Variants in MAGI1 observed in about 807,000 individuals in gnomAD.
MAGI1 encodes the protein membrane-associated guanylate kinase, WW and PDZ domain-containing protein 1.
Under a neutral mutation model 139.9 loss-of-function variants are expected in MAGI1, and 58 were observed. The ratio of observed to expected loss-of-function variants is 0.41; its 90% CI spans 0.34 to 0.52. MAGI1 has a LOEUF of 0.52. Ranked by LOEUF, MAGI1 falls within the 20% of genes least tolerant of loss-of-function variation. The probability of loss-of-function intolerance (pLI) is 0.12; values close to 1 mark genes in which losing one functional copy is unlikely to be tolerated. For synonymous variants in MAGI1, 812 were observed against 737.9 expected (o/e 1.10, Z -1.63); for missense variants, 1,874 against 1,901.6 (o/e 0.99, Z 0.27).
intron 1 of MAGI1, among the ~76,000 whole-genome samples, chr3:65,854,731 G>T (rs558848755): frequency 6.6e-6 from 1 of 152,370 alleles, no homozygotes; most frequent in Non-Finnish European, 1.5e-5. Flanking sequence ...TAAATGAGCT[G>T]CTGTGGCCTG....
chr3:65,418,980 C>T (rs1946435599), intron 12 of MAGI1, among the ~76,000 whole-genome samples: 1 of 152,198 alleles, frequency 6.6e-6, no homozygotes, highest in African/African-American at 2.4e-5. Context: ...TGATACAACG[C>T]TTTCCTGTTC....
At chr3:65,766,682 G>C (rs1327439852) in intron 1 of MAGI1, among the ~76,000 whole-genome samples, 1 of 151,892 alleles carries the variant, frequency 6.6e-6, no homozygotes, top group Admixed American at 6.6e-5. Flanking sequence ...TTGAGGTCAT[G>C]AGTTTGAGAC....
chr3:65,472,098 T>C (rs1950589375), intron 4 of MAGI1, among the ~76,000 whole-genome samples: 1 of 152,118 alleles, frequency 6.6e-6, no homozygotes, highest in African/African-American at 2.4e-5. Context: ...GTTTTGCAAC[T>C]TGCACCCAAG....
chr3:65,842,964 T>G (rs1331836547), intron 1 of MAGI1, among the ~76,000 whole-genome samples: 1 of 152,130 alleles, frequency 6.6e-6, no homozygotes, highest in East Asian at 1.9e-4. Flanking sequence ...AACTGAAAAA[T>G]GTCTCCCCTA....
intron 1 of MAGI1, among the ~76,000 whole-genome samples, chr3:65,741,003 T>C (rs2035212892): frequency 6.6e-6 from 1 of 152,174 alleles, no homozygotes. Context: ...CAATGACAGC[T>C]TTGGGTGAAT....
chr3:65,690,755 A>G (rs548256543), intron 1 of MAGI1, among the ~76,000 whole-genome samples: 15 of 151,624 alleles, frequency 9.9e-5, no homozygotes, highest in South Asian at 8.4e-4. Context: ...CAGCCTCCCA[A>G]TGTGCTGGGA....
chr3:65,605,060 A>T (rs1370220961), intron 2 of MAGI1, among the ~76,000 whole-genome samples: 1 of 152,262 alleles, frequency 6.6e-6, no homozygotes, highest in Admixed American at 6.5e-5. Context: ...TAATGAGAGA[A>T]GAACCATTCT....
chr3:65,547,168 T>A (rs1422245723), intron 2 of MAGI1, among the ~76,000 whole-genome samples: 1 of 152,326 alleles, frequency 6.6e-6, no homozygotes, highest in East Asian at 1.9e-4. Context: ...TGTGCCAGGC[T>A]CTGTGCTGTT....
intron 1 of MAGI1, among the ~76,000 whole-genome samples, chr3:65,917,700 A>C (rs550041608): frequency 6.6e-6 from 1 of 152,336 alleles, no homozygotes; most frequent in African/African-American, 2.4e-5. Flanking sequence ...ACGGCTACAT[A>C]CTATATGATT....
Position 65,516,877 on chromosome 3 carries a change from G to A in MAGI1, c.431-23246C>T, listed in dbSNP as rs975059445. Among the ~76,000 whole-genome samples, 72 of 131,702 alleles carry A rather than the reference G, an allele frequency of 5.5e-4. 2 individuals carry two copies. Among genetic ancestry groups the A allele is most frequent in the Middle Eastern group, 3.8e-3 (1 of 264 alleles). The allele number at this position is 131,702 out of a possible 152,430, so 86.4% of individuals were successfully genotyped here. ...CGAGTAGCTGGGACTACAGGCGCCC[G>A]CCACTACGCCCGGCTAATTTTTTTG... is the stretch of plus-strand genomic sequence containing the variant. On this transcript the variant is annotated intron_variant, in intron 2 of 22. Coordinates refer to ENST00000402939, the MANE Select transcript of MAGI1 (RefSeq NM_001033057.2).
At chr3:65,894,458 T>C (rs188346997) in intron 1 of MAGI1, among the ~76,000 whole-genome samples, 98 of 152,244 alleles carry the variant, frequency 6.4e-4, no homozygotes, top group African/African-American at 2.2e-3. Flanking sequence ...CCACCAAAAA[T>C]ATGCTAAAAG....
At chr3:65,922,553 C>G (rs2062260349) in intron 1 of MAGI1, among the ~76,000 whole-genome samples, 1 of 152,146 alleles carries the variant, frequency 6.6e-6, no homozygotes, top group African/African-American at 2.4e-5. Flanking sequence ...ACAAGGAAGG[C>G]AAAGGATCTA....
chr3:65,846,992 A>AAAAAAAAAC (rs1422495338), intron 1 of MAGI1, among the ~76,000 whole-genome samples: 1 of 144,690 alleles, frequency 6.9e-6, no homozygotes, highest in African/African-American at 2.5e-5. Flanking sequence ...AAAAAAAAAA[A>AAAAAAAAAC]AAAACCCTAA....
chr3:65,417,641 T>C (rs1408790963), intron 12 of MAGI1, among the ~76,000 whole-genome samples: 1 of 152,042 alleles, frequency 6.6e-6, no homozygotes, highest in Non-Finnish European at 1.5e-5. Context: ...TGCACATTCA[T>C]GTATGATATC....
chr3:65,579,756 A>G (rs1260839394), intron 2 of MAGI1, among the ~76,000 whole-genome samples: 1 of 151,850 alleles, frequency 6.6e-6, no homozygotes, highest in East Asian at 1.9e-4. Context: ...CTGAGGCAGG[A>G]GAATCACCTG....
At chr3:65,980,270 A>G (rs2065498601) in intron 1 of MAGI1, among the ~76,000 whole-genome samples, 1 of 152,230 alleles carries the variant, frequency 6.6e-6, no homozygotes, top group Non-Finnish European at 1.5e-5. Flanking sequence ...TATGAAAAAT[A>G]AACAGGTAAT....
chr3:65,889,578 G>A (rs748883135), intron 1 of MAGI1, among the ~76,000 whole-genome samples: 6 of 152,082 alleles, frequency 3.9e-5, no homozygotes, highest in Non-Finnish European at 7.4e-5. Context: ...AGAAATACTC[G>A]CCTAAAAGCT....
chr3:65,894,850 T>C (rs907209590), intron 1 of MAGI1, among the ~76,000 whole-genome samples: 4 of 152,248 alleles, frequency 2.6e-5, no homozygotes, highest in Admixed American at 2.0e-4. Context: ...GGAAATTTCA[T>C]AACACATCTT....
intron 1 of MAGI1, among the ~76,000 whole-genome samples, chr3:65,805,301 A>G (rs1382130159): frequency 6.6e-6 from 1 of 152,266 alleles, no homozygotes; most frequent in Non-Finnish European, 1.5e-5. Context: ...ACTTCTCAAA[A>G]GAAGTCATTT....
Sources: allele counts gnomAD v4.1 joint callset (sites outside exome capture counted in the v4.1 genomes callset), GRCh38; gene constraint gnomAD v4.1.1; transcripts MANE v1.5; gene names NCBI Gene and HGNC (gene_info 2026-07-23, HGNC 2026-07-21).